The following IFT81 variants were observed in gnomAD, a reference collection of about 807,000 sequenced individuals.
The protein encoded by IFT81 is intraflagellar transport 81, also known as intraflagellar transport protein 81 homolog.
In IFT81, 72 loss-of-function variants were observed where a neutral mutation model predicts 102.6. The ratio of observed to expected loss-of-function variants is 0.70; its 90% CI spans 0.58 to 0.85. The LOEUF is 0.85. Ranked by LOEUF, IFT81 falls within the 40% of genes least tolerant of loss-of-function variation. The pLI, the probability that IFT81 is intolerant of heterozygous loss-of-function variation, is 0.00. For synonymous variants in IFT81, 237 were observed against 242.7 expected, an observed-to-expected ratio of 0.98 and a Z score of 0.22; for missense variants, 723 against 787.3, an observed-to-expected ratio of 0.92 and a Z score of 0.98.
intron 11 of IFT81, among the ~76,000 whole-genome samples, chr12:110,174,304 A>AAT (rs1555265357): frequency 8.6e-5 from 12 of 139,026 alleles, no homozygotes; most frequent in Non-Finnish European, 1.1e-4. Flanking sequence ...AAAAAAAAAA[A>AAT]AAATTAGCCG....
At chr12:110,212,823 G>A (rs1430430166) in intron 18 of IFT81, among the ~76,000 whole-genome samples, 1 of 151,684 alleles carries the variant, frequency 6.6e-6, no homozygotes, top group Non-Finnish European at 1.5e-5. Context: ...GGAAACAAGA[G>A]CAAAACTCCA....
At chr12:110,127,946 G>T (rs1893942832) in intron 2 of IFT81, 100 bp from the exon 3 acceptor site, 1 of 781,624 alleles carries the variant, frequency 1.3e-6, no homozygotes, top group South Asian at 1.6e-5. Context: ...AGAGACCATT[G>T]TGCTGTTAAG....
At chr12:110,127,307 C>G in intron 1 of IFT81, 53 bp from the exon 2 acceptor site, 1 of 1,373,616 alleles carries the variant, frequency 7.3e-7, no homozygotes, top group Non-Finnish European at 9.5e-7. Flanking sequence ...GGTTTTTACC[C>G]AGGACTTTTG....
chr12:110,172,285 C>T (rs903152190), intron 11 of IFT81, among the ~76,000 whole-genome samples: 1 of 151,154 alleles, frequency 6.6e-6, no homozygotes, highest in Non-Finnish European at 1.5e-5. Context: ...GAAAAATTTG[C>T]CTCTGCCTCT....
intron 8 of IFT81, among the ~76,000 whole-genome samples, chr12:110,140,635 A>G (rs1894832733): frequency 6.6e-6 from 1 of 152,150 alleles, no homozygotes; most frequent in African/African-American, 2.4e-5. Flanking sequence ...CTAACAGACA[A>G]AGAAGTCAGG....
At position 110,185,907 on chromosome 12, in the gene IFT81, G is replaced by GA. The variant is rs112380369; in HGVS notation, c.1339-5012dup. Among the ~76,000 whole-genome samples the GA allele has an allele frequency of 9.0e-3, 1,372 of 152,206 alleles. 4 individuals are homozygous for GA. The highest frequency in any genetic ancestry group is 9.4e-3 in the Non-Finnish European group (641 of 68,020). ...GAGCCACTGTGCTGGGGCCTAGATA[G>GA]ATTTAAATCGTACATGATATTATGT... On this transcript the variant is annotated intron_variant, in intron 12 of 18. Transcript: ENST00000242591.
At chr12:110,127,150 T>A (rs1032096709) in intron 1 of IFT81, among the ~76,000 whole-genome samples, 3 of 152,208 alleles carry the variant, frequency 2.0e-5, no homozygotes, top group Non-Finnish European at 2.9e-5. Context: ...ACAAAGCATT[T>A]GATGTTAAAA....
In IFT81 at chr12:110,218,082, T is replaced by C; in HGVS notation, c.1887T>C (p.His629=). The C allele has an allele frequency of 6.2e-7, 1 of 1,605,102 alleles. No homozygotes were observed. Among genetic ancestry groups the C allele is most frequent in the Non-Finnish European group, 8.5e-7 (1 of 1,177,508 alleles). The change falls in exon 19 of 19, where the codon CAT becomes CAC. Residue 629 remains histidine (H), a synonymous_variant. Transcript: ENST00000242591. ...REKQKVIRES[H]GPNMKQAKMW... ...AACAAAAAGTTATACGAGAAAGTCA[T>C]GGTCCAAATATGAAACAAGCAAAAA...
At position 110,163,049 on chromosome 12, in the gene IFT81, T is replaced by TAG; in HGVS notation, c.1172_1173insAG (p.Leu392ValfsTer2). 1.2e-6 allele frequency: 2 copies of TAG among 1,613,416 alleles called. No homozygotes were observed. The highest frequency in any genetic ancestry group is 1.7e-6 in the Non-Finnish European group (2 of 1,179,744). ...ACCCGTGAATTTGATGGTACTGAAGTTTTAAAGGGAGATGAGGTAAGCTGA... is the reference window on the plus strand; with the variant it reads ...ACCCGTGAATTTGATGGTACTGAAGTAGTTTAAAGGGAGATGAGGTAAGCTGA... On this transcript the variant is annotated frameshift_variant, in exon 11 of 19. Transcript: ENST00000242591. LOFTEE classifies it high-confidence loss of function.
intron 10 of IFT81, among the ~76,000 whole-genome samples, chr12:110,157,007 C>G (rs1895875386): frequency 6.6e-6 from 1 of 150,792 alleles, no homozygotes. Flanking sequence ...TGGCTTTTGA[C>G]AGTTTGATTT....
At chr12:110,134,898 T>C (rs1894385464) in intron 5 of IFT81, 50 bp from the exon 6 acceptor site, 1 of 1,366,708 alleles carries the variant, frequency 7.3e-7, no homozygotes, top group Non-Finnish European at 1.0e-6. Flanking sequence ...ATCTGTTTCC[T>C]ACAGACTGAG....
At chr12:110,192,503 A>G (rs997446256) in intron 13 of IFT81, 114 bp from the exon 14 acceptor site, 94 of 578,790 alleles carry the variant, frequency 1.6e-4, no homozygotes, top group Admixed American at 3.3e-5. Flanking sequence ...GGACTGAAGT[A>G]ATTTGCAGTT....
rs76027223 is a variant in IFT81, at chr12:110,178,319, CAGGAGATTTG to C, written c.1189-2102_1189-2093del. 2.2e-3 allele frequency among the ~76,000 whole-genome samples: 329 copies of C among 150,326 alleles called. 2 individuals are homozygous for C. Among genetic ancestry groups the C allele is most frequent in the Non-Finnish European group, 3.6e-3 (247 of 67,806 alleles). ...ATCCCAGCTACTTGGGAGGCTGAGG[CAGGAGATTTG>C]CTTGAACCTGTGAGGTGGAGGTTGC... is the stretch of plus-strand genomic sequence containing the variant. On this transcript the variant is annotated intron_variant, in intron 11 of 18. Coordinates refer to ENST00000242591, the MANE Select transcript of IFT81 (RefSeq NM_014055.4).
intron 4 of IFT81, among the ~76,000 whole-genome samples, 163 bp from the exon 5 acceptor site, chr12:110,132,384 T>G (rs1307349477): frequency 6.7e-6 from 1 of 149,076 alleles, no homozygotes; most frequent in African/African-American, 2.5e-5. Context: ...CGCTTGAATC[T>G]GGGAGGCGGA....
intron 8 of IFT81, among the ~76,000 whole-genome samples, chr12:110,139,881 A>AAT (rs1246630932): frequency 3.4e-5 from 5 of 146,430 alleles, no homozygotes; most frequent in African/African-American, 1.2e-4. Context: ...AATAAAATAA[A>AAT]ATAAAATAAA....
intron 12 of IFT81, among the ~76,000 whole-genome samples, chr12:110,188,397 A>T (rs1479062683): frequency 1.3e-5 from 2 of 151,156 alleles, no homozygotes; most frequent in Non-Finnish European, 2.9e-5. Flanking sequence ...TGAGAGCCTT[A>T]CTCTGCTTGT....
At chr12:110,127,548 G>A in intron 2 of IFT81, 24 bp downstream of exon 2, 1 of 1,569,056 alleles carries the variant, frequency 6.4e-7, no homozygotes, top group Non-Finnish European at 8.6e-7. Flanking sequence ...CTTTCTTTTT[G>A]ATGGGTAGCA....
chr12:110,200,724 C>T (rs917657447), intron 14 of IFT81, among the ~76,000 whole-genome samples: 7 of 152,050 alleles, frequency 4.6e-5, no homozygotes, highest in Non-Finnish European at 2.9e-5. Flanking sequence ...CTGAGGCAGG[C>T]GGATGACGAG....
intron 5 of IFT81, among the ~76,000 whole-genome samples, chr12:110,134,654 G>A (rs1894373614): frequency 6.6e-6 from 1 of 152,164 alleles, no homozygotes; most frequent in Non-Finnish European, 1.5e-5. Flanking sequence ...CAAAAATCAT[G>A]TGCCCATATT....
Sources: allele counts gnomAD v4.1 joint callset (sites outside exome capture counted in the v4.1 genomes callset), GRCh38; gene constraint gnomAD v4.1.1; transcripts MANE v1.5; gene names NCBI Gene and HGNC (gene_info 2026-07-23, HGNC 2026-07-21).